The following RAB11FIP4 variants were observed in gnomAD, a reference collection of about 807,000 sequenced individuals.
The protein encoded by RAB11FIP4 is RAB11 family interacting protein 4, also known as rab11 family-interacting protein 4.
In RAB11FIP4, 23 loss-of-function variants were observed where a neutral mutation model predicts 74.3. That is an observed-to-expected ratio of 0.31 (90% CI 0.22 to 0.44). The LOEUF (loss-of-function observed/expected upper bound fraction) is 0.44, where lower values mean the gene tolerates loss of function less well. RAB11FIP4 is among the 20% of genes least tolerant of loss of function. The probability of loss-of-function intolerance (pLI) is 1.00; values close to 1 mark genes in which losing one functional copy is unlikely to be tolerated. For missense variants in RAB11FIP4, 630 were observed against 863.9 expected (o/e 0.73, Z 3.39); for synonymous variants, 360 against 359.9 (o/e 1.00, Z 0.00).
intron 3 of RAB11FIP4, among the ~76,000 whole-genome samples, chr17:31,474,078 C>T (rs982757349): frequency 6.6e-6 from 1 of 152,210 alleles, no homozygotes; most frequent in Non-Finnish European, 1.5e-5. Flanking sequence ...TCAGCTGAGG[C>T]TCATTGCAGC....
intron 3 of RAB11FIP4, among the ~76,000 whole-genome samples, chr17:31,467,915 CT>C (rs1430198451): frequency 6.6e-6 from 1 of 152,228 alleles, no homozygotes; most frequent in Non-Finnish European, 1.5e-5. Flanking sequence ...AAGGCCTGCC[CT>C]TGAGGCCCAG....
chr17:31,528,006 G>C (rs2072797615), intron 11 of RAB11FIP4, 83 bp downstream of exon 11: 1 of 1,058,916 alleles, frequency 9.4e-7, no homozygotes, highest in African/African-American at 1.6e-5. Flanking sequence ...CTAAACAAAT[G>C]CCGCACCCCC....
Position 31,455,260 on chromosome 17 carries a change from G to A in RAB11FIP4, c.336+21138G>A, listed in dbSNP as rs572887891. The stretch of plus-strand genomic sequence containing the variant: ...AAGAGGGGGATTTGGGCTCCTAAGG[G>A]CAGTATATTCTGGGAAGGTAGCTAG... On this transcript the variant is annotated intron_variant, in intron 3 of 14. Coordinates refer to ENST00000621161, the MANE Select transcript of RAB11FIP4 (RefSeq NM_032932.6). Among the ~76,000 whole-genome samples, 194 of 152,284 alleles carry A rather than the reference G, an allele frequency of 1.3e-3. 2 individuals carry two copies. The Middle Eastern group carries it at 0.014, about 11-fold the overall frequency.
At chr17:31,437,532 A>G (rs1207638998) in intron 3 of RAB11FIP4, among the ~76,000 whole-genome samples, 1 of 152,082 alleles carries the variant, frequency 6.6e-6, no homozygotes, top group African/African-American at 2.4e-5. Flanking sequence ...AGGGAACGCA[A>G]ACCTGAGGCA....
chr17:31,488,131 G>A (rs1027300778), intron 3 of RAB11FIP4: 143 of 1,037,222 alleles, frequency 1.4e-4, no homozygotes, highest in Admixed American at 1.7e-4. Flanking sequence ...AGTGCGAGCG[G>A]CAGCGGCGCG....
chr17:31,502,388 G>A (rs375827917), intron 3 of RAB11FIP4, among the ~76,000 whole-genome samples: 187 of 151,478 alleles, frequency 1.2e-3, no homozygotes, highest in African/African-American at 4.4e-3. Flanking sequence ...AGACCAGCCT[G>A]GCCAATATGG....
intron 3 of RAB11FIP4, among the ~76,000 whole-genome samples, chr17:31,477,353 G>A (rs1306786234): frequency 6.6e-6 from 1 of 152,218 alleles, no homozygotes; most frequent in African/African-American, 2.4e-5. Context: ...CTGGTGGGGG[G>A]CTCAGTGCTC....
intron 1 of RAB11FIP4, among the ~76,000 whole-genome samples, chr17:31,413,827 A>G (rs958445701): frequency 1.3e-5 from 2 of 152,178 alleles, no homozygotes; most frequent in Admixed American, 6.5e-5. Context: ...CAGTTTTTCA[A>G]AAGAGTCATA....
chr17:31,424,458 T>A (rs1388354976), intron 1 of RAB11FIP4, among the ~76,000 whole-genome samples: 1 of 152,196 alleles, frequency 6.6e-6, no homozygotes, highest in Non-Finnish European at 1.5e-5. Context: ...TTTTTTCTTT[T>A]GAGATGGAGT....
chr17:31,438,914 C>A (rs1253991667), intron 3 of RAB11FIP4, among the ~76,000 whole-genome samples: 1 of 152,044 alleles, frequency 6.6e-6, no homozygotes, highest in Non-Finnish European at 1.5e-5. Flanking sequence ...GAGTTTGAGA[C>A]CAGCCTGGAC....
intron 1 of RAB11FIP4, among the ~76,000 whole-genome samples, chr17:31,394,939 G>C (rs983118280): frequency 4.2e-3 from 99 of 23,810 alleles, no homozygotes; most frequent in African/African-American, 1.0e-2. Flanking sequence ...GGCGGGGGGC[G>C]GGGGGGGGGG....
Position 31,537,151 on chromosome 17 carries a change from T to A in RAB11FIP4, c.*5419T>A, listed in dbSNP as rs2072978760. 2.5e-6 allele frequency: 1 copy of A among 399,692 alleles called. No homozygotes were observed. Among genetic ancestry groups the A allele is most frequent in the Admixed American group, 4.4e-5 (1 of 22,752 alleles). The allele number at this position is 399,692 out of a possible 1,614,324, so 24.8% of individuals were successfully genotyped here. A position where few individuals can be genotyped will look rare whatever the true frequency, so the allele number is the denominator to read the frequency against. On this transcript the variant is annotated 3_prime_UTR_variant, in exon 15 of 15. Coordinates refer to ENST00000621161, the MANE Select transcript of RAB11FIP4 (RefSeq NM_032932.6). Reference sequence around the variant, plus strand: ...TTGTCCTTGTGCCTTTTCTTCCCCATCGCCACTGTACAGGATTTTCCACAT... The same window carrying A: ...TTGTCCTTGTGCCTTTTCTTCCCCAACGCCACTGTACAGGATTTTCCACAT...
chr17:31,467,406 A>C (rs1002564726), intron 3 of RAB11FIP4, among the ~76,000 whole-genome samples: 1 of 152,188 alleles, frequency 6.6e-6, no homozygotes, highest in Non-Finnish European at 1.5e-5. Flanking sequence ...GGCGTGAGCC[A>C]CGGTGCCTAG....
chr17:31,461,535 A>G (rs2071633917), intron 3 of RAB11FIP4, among the ~76,000 whole-genome samples: 1 of 152,172 alleles, frequency 6.6e-6, no homozygotes, highest in Admixed American at 6.5e-5. Flanking sequence ...GGCCAGGGCA[A>G]CCTTTCTTCA....
At chr17:31,419,578 TCTCA>T (rs1395978540) in intron 1 of RAB11FIP4, among the ~76,000 whole-genome samples, 1 of 149,480 alleles carries the variant, frequency 6.7e-6, no homozygotes, top group East Asian at 1.9e-4. Flanking sequence ...TGAGACTGAG[TCTCA>T]CTCTGTCGCC....
chr17:31,411,102 G>A (rs765371174), intron 1 of RAB11FIP4, among the ~76,000 whole-genome samples: 9 of 152,166 alleles, frequency 5.9e-5, no homozygotes, highest in East Asian at 3.9e-4. Context: ...GGTGGCTCAC[G>A]CCTGTAATCC....
chr17:31,458,747 T>A (rs2071605333), intron 3 of RAB11FIP4, among the ~76,000 whole-genome samples: 1 of 152,234 alleles, frequency 6.6e-6, no homozygotes, highest in Non-Finnish European at 1.5e-5. Flanking sequence ...TGCACCAGCA[T>A]CTTTGTCACA....
rs1220109975 is a variant in RAB11FIP4, at chr17:31,505,532, A to AATTATTATAT, written c.337-12113_337-12104dup. ...TATATAATAATTATATATTATATATAATTATTATATATTATATATAATAAT... is the reference window on the plus strand; with the variant it reads ...TATATAATAATTATATATTATATATAATTATTATATATTATTATATATTATATATAATAAT... On this transcript the variant is annotated intron_variant, in intron 3 of 14. Transcript: ENST00000621161. 3.2e-3 allele frequency among the ~76,000 whole-genome samples: 283 copies of AATTATTATAT among 87,610 alleles called. 6 individuals carry two copies. The highest frequency in any genetic ancestry group is 0.013 in the African/African-American group (269 of 21,416). 57.5% of individuals were successfully genotyped at this position (87,610 alleles called of 152,430 possible).
chr17:31,505,574 AATATATAATAATAATT>A (rs2072319536), intron 3 of RAB11FIP4, among the ~76,000 whole-genome samples: 1 of 85,106 alleles, frequency 1.2e-5, no homozygotes, highest in African/African-American at 5.1e-5. Context: ...AATATATAAT[AATATATAATAATAATT>A]ATATATTATA....
Sources: gnomAD v4.1 joint callset for allele counts (sites outside exome capture counted in the v4.1 genomes callset) on GRCh38, gnomAD v4.1.1 for gene constraint, MANE v1.5 for transcripts, NCBI Gene and HGNC (gene_info 2026-07-23, HGNC 2026-07-21) for gene names.